DCC: variants seen among roughly 807,000 people sequenced by gnomAD.
DCC encodes the protein DCC netrin 1 receptor, also known as netrin receptor DCC.
Under a neutral mutation model 172.5 loss-of-function variants are expected in DCC, and 58 were observed. The observed-to-expected ratio is 0.34, with a 90% CI of 0.27 to 0.42. The LOEUF (loss-of-function observed/expected upper bound fraction) is 0.42, where lower values mean the gene tolerates loss of function less well. Ranked by LOEUF, DCC falls within the 10% of genes least tolerant of loss-of-function variation. The probability of loss-of-function intolerance (pLI) is 1.00; values close to 1 mark genes in which losing one functional copy is unlikely to be tolerated. For synonymous variants in DCC, 709 were observed against 644.5 expected, an observed-to-expected ratio of 1.10 and a Z score of -1.52; for missense variants, 1,740 against 1,791.0, an observed-to-expected ratio of 0.97 and a Z score of 0.51.
intron 9 of DCC, among the ~76,000 whole-genome samples, chr18:53,199,215 T>C (rs964702512): frequency 6.6e-6 from 1 of 151,876 alleles, no homozygotes; most frequent in Non-Finnish European, 1.5e-5. Context: ...CTTTGCCTCC[T>C]GAGTAGCTGG....
intron 5 of DCC, among the ~76,000 whole-genome samples, chr18:53,020,757 G>C (rs1032770711): frequency 6.6e-6 from 1 of 152,132 alleles, no homozygotes; most frequent in Admixed American, 6.5e-5. Flanking sequence ...GGGTATGGTG[G>C]ATAAGTCAGA....
At chr18:53,036,061 T>G (rs866275124) in intron 5 of DCC, among the ~76,000 whole-genome samples, 1 of 152,026 alleles carries the variant, frequency 6.6e-6, no homozygotes, top group Non-Finnish European at 1.5e-5. Context: ...TTATACATCT[T>G]ACAGAATTGC....
At chr18:53,052,681 C>A (rs974726016) in intron 5 of DCC, among the ~76,000 whole-genome samples, 1 of 152,034 alleles carries the variant, frequency 6.6e-6, no homozygotes, top group Non-Finnish European at 1.5e-5. Context: ...TTTAGGATAC[C>A]TAGCTTTGCT....
chr18:52,969,617 C>G (rs2040994027), intron 5 of DCC, among the ~76,000 whole-genome samples: 1 of 147,016 alleles, frequency 6.8e-6, no homozygotes, highest in Non-Finnish European at 1.5e-5. Context: ...CTCTCTCTCT[C>G]TCTCTTTCTG....
intron 8 of DCC, among the ~76,000 whole-genome samples, chr18:53,168,524 A>C (rs1315877356): frequency 7.3e-6 from 1 of 136,610 alleles, no homozygotes; most frequent in East Asian, 2.5e-4. Flanking sequence ...ATGAGAGCAC[A>C]TGGACACAGG....
At chr18:53,507,985 C>G (rs1205672006) in intron 27 of DCC, among the ~76,000 whole-genome samples, 1 of 125,292 alleles carries the variant, frequency 8.0e-6, no homozygotes, top group South Asian at 2.8e-4. Context: ...GCTCTGCCTC[C>G]GGGGTTCACG....
chr18:53,104,627 A>T (rs533644253), intron 7 of DCC, among the ~76,000 whole-genome samples: 2 of 152,068 alleles, frequency 1.3e-5, no homozygotes. Flanking sequence ...AAAAAATGCA[A>T]TTGTTTATCA....
At chr18:52,794,564 A>G (rs1007642116) in intron 2 of DCC, among the ~76,000 whole-genome samples, 4 of 151,742 alleles carry the variant, frequency 2.6e-5, no homozygotes, top group Admixed American at 2.0e-4. Flanking sequence ...TTCTATACAT[A>G]AGATAATGTT....
chr18:53,095,200 T>C (rs1449879791), intron 7 of DCC, among the ~76,000 whole-genome samples: 1 of 152,220 alleles, frequency 6.6e-6, no homozygotes, highest in East Asian at 1.9e-4. Context: ...ATTCCAATTG[T>C]TATTGCCAGT....
At chr18:53,208,791 G>T (rs547268908) in intron 11 of DCC, among the ~76,000 whole-genome samples, 1 of 152,196 alleles carries the variant, frequency 6.6e-6, no homozygotes, top group South Asian at 2.1e-4. Flanking sequence ...ATGCAGTGGT[G>T]CAGTCTCAGC....
intron 2 of DCC, among the ~76,000 whole-genome samples, chr18:52,885,562 C>T (rs1598898360): frequency 6.6e-6 from 1 of 152,128 alleles, no homozygotes; most frequent in Non-Finnish European, 1.5e-5. Flanking sequence ...GCAGTGGGTT[C>T]CCGTCTGGAC....
intron 2 of DCC, among the ~76,000 whole-genome samples, chr18:52,766,407 G>A (rs2145157588): frequency 6.6e-6 from 1 of 152,312 alleles, no homozygotes; most frequent in East Asian, 1.9e-4. Flanking sequence ...CAGTGTGACA[G>A]CCTCCTGTAT....
In DCC at chr18:53,486,652, G is replaced by C. The variant is rs2045903294; in HGVS notation, c.3737-145G>C. ...TTTTCTAAAGTAAAAAGTGGGATTG[G>C]TGGAGAGAGGTAAGTAAGGGAACCT... On this transcript the variant is annotated intron_variant, in intron 25 of 28. Transcript: ENST00000442544. 4 of 1,005,586 alleles carry C rather than the reference G, an allele frequency of 4.0e-6. No homozygotes were observed. In the African/African-American group the frequency reaches 4.8e-5, roughly 12 times the overall value. 62.3% of individuals were successfully genotyped at this position (1,005,586 alleles called of 1,614,324 possible).
At chr18:52,732,409 C>A (rs1026663189) in intron 1 of DCC, among the ~76,000 whole-genome samples, 11 of 152,084 alleles carry the variant, frequency 7.2e-5, no homozygotes, top group Non-Finnish European at 1.5e-4. Flanking sequence ...TATTGTAGAG[C>A]AATCATTATA....
At chr18:52,345,275 G>C (rs1983829295) in intron 1 of DCC, among the ~76,000 whole-genome samples, 1 of 152,156 alleles carries the variant, frequency 6.6e-6, no homozygotes, top group Non-Finnish European at 1.5e-5. Flanking sequence ...AGGATAAAAA[G>C]TCACTTGGTT....
chr18:53,511,878 G>A (rs924548456), intron 27 of DCC, among the ~76,000 whole-genome samples: 1 of 152,202 alleles, frequency 6.6e-6, no homozygotes, highest in South Asian at 2.1e-4. Context: ...AGGCGGCAGC[G>A]AGGCTGGGGG....
chr18:53,113,457 A>G (rs1011216574), intron 7 of DCC, among the ~76,000 whole-genome samples: 11 of 151,358 alleles, frequency 7.3e-5, no homozygotes, highest in African/African-American at 2.2e-4. Flanking sequence ...ATTGATTTTC[A>G]TTAGTTCAGA....
At chr18:52,803,252 AC>A (rs1394718250) in intron 2 of DCC, among the ~76,000 whole-genome samples, 2 of 152,188 alleles carry the variant, frequency 1.3e-5, no homozygotes, top group African/African-American at 4.8e-5. Context: ...GCAAGAGATC[AC>A]TTTTTCCATG....
intron 2 of DCC, among the ~76,000 whole-genome samples, chr18:52,888,841 G>C (rs867876554): frequency 2.8e-4 from 42 of 151,920 alleles, no homozygotes; most frequent in African/African-American, 9.6e-4. Flanking sequence ...AGGGATATAT[G>C]TATATATTTG....
Sources: allele counts gnomAD v4.1 joint callset (sites outside exome capture counted in the v4.1 genomes callset), GRCh38; gene constraint gnomAD v4.1.1; transcripts MANE v1.5; gene names NCBI Gene and HGNC (gene_info 2026-07-23, HGNC 2026-07-21).